Variants in ARPC1B observed in about 807,000 individuals in gnomAD.
The protein encoded by ARPC1B is actin-related protein 2/3 complex subunit 1B.
Under a neutral mutation model 46.0 loss-of-function variants are expected in ARPC1B, and 29 were observed. The ratio of observed to expected loss-of-function variants is 0.63; its 90% CI spans 0.47 to 0.86. The LOEUF (loss-of-function observed/expected upper bound fraction) is 0.86, where lower values mean the gene tolerates loss of function less well. ARPC1B is among the 40% of genes least tolerant of loss of function. The pLI is 0.00. For missense variants in ARPC1B, 469 were observed against 529.4 expected (o/e 0.89, Z 1.12); for synonymous variants, 201 against 213.9 (o/e 0.94, Z 0.53).
intron 7 of ARPC1B, 83 bp downstream of exon 7, chr7:99,391,336 T>C (rs1794566103): frequency 1.5e-6 from 2 of 1,347,782 alleles, no homozygotes; most frequent in Middle Eastern, 4.6e-4. Flanking sequence ...CCTCCCTCCT[T>C]TCTCCTGCCT....
intron 1 of ARPC1B, among the ~76,000 whole-genome samples, chr7:99,384,618 C>T (rs1190190168): frequency 6.6e-6 from 1 of 152,200 alleles, no homozygotes; most frequent in Non-Finnish European, 1.5e-5. Flanking sequence ...AGAGCCATCA[C>T]CCAGGCCTCG....
chr7:99,381,756 A>G (rs965099510), intron 1 of ARPC1B, among the ~76,000 whole-genome samples: 1 of 152,228 alleles, frequency 6.6e-6, no homozygotes, highest in African/African-American at 2.4e-5. Context: ...GACCTCGGGC[A>G]GGCTGGTCAC....
intron 1 of ARPC1B, chr7:99,377,306 GCTTT>G (rs1794055994): frequency 6.7e-6 from 1 of 148,526 alleles, no homozygotes; most frequent in Non-Finnish European, 1.5e-5. Flanking sequence ...CCTTATACGT[GCTTT>G]CTTTTTTTTT....
chr7:99,384,416 CCT>C (rs1409656696), intron 1 of ARPC1B, among the ~76,000 whole-genome samples: 2 of 150,468 alleles, frequency 1.3e-5, no homozygotes, highest in Admixed American at 1.3e-4. Context: ...GTGAGACCCC[CCT>C]CTCTACAAAC....
chr7:99,385,739 G>A lies in ARPC1B; in HGVS notation c.25G>A (p.Glu9Lys). The A allele has an allele frequency of 6.2e-7, 1 of 1,611,134 alleles. No homozygotes were observed. Among genetic ancestry groups the A allele is most frequent in the African/African-American group, 1.3e-5 (1 of 75,032 alleles). Residue 9 changes from glutamate to lysine, a missense_variant, in exon 2 of 10, where the codon GAG (glutamate) becomes AAG (lysine). Glu to Lys is a moderately conservative substitution (Grantham distance 56). Coordinates refer to ENST00000646101, the MANE Select transcript of ARPC1B (RefSeq NM_005720.4). MAYHSFLV[E>K]PISCHAWNKD... ...CATGGCCTACCACAGCTTCCTGGTG[G>A]AGCCCATCAGCTGCCACGCCTGGAA...
At position 99,379,248 on chromosome 7, in the gene ARPC1B, T is replaced by C. The variant is rs998870861; in HGVS notation, c.-14+4467T>C. On this transcript the variant is annotated intron_variant, in intron 1 of 9. Coordinates refer to ENST00000646101, the MANE Select transcript of ARPC1B (RefSeq NM_005720.4). ...TTTGTGTGTTTTTGTTTTGTTTGGA[T>C]GACTAACCGGTGCTTTAATGGTACC... 3.3e-5 allele frequency among the ~76,000 whole-genome samples: 5 copies of C among 152,356 alleles called. No individual in the cohort carries two copies. The East Asian group carries it at 9.6e-4, about 29-fold the overall frequency.
Position 99,393,962 on chromosome 7 carries a change from G to A in ARPC1B, c.990-67G>A, listed in dbSNP as rs553144213. ...CCCAAGAAGTCTGGGAGCGCCTGGT[G>A]GACAGGGTGGGCCTGAGCCCAGCGC... On this transcript the variant is annotated intron_variant, in intron 8 of 9. Coordinates refer to ENST00000646101, the MANE Select transcript of ARPC1B (RefSeq NM_005720.4). 5 of 1,538,332 alleles carry A rather than the reference G, an allele frequency of 3.3e-6. No homozygotes were observed. The South Asian group carries it at 5.6e-5, about 17-fold the overall frequency.
At chr7:99,376,695 A>AC (rs1346487283) in intron 1 of ARPC1B, 1 of 151,942 alleles carries the variant, frequency 6.6e-6, no homozygotes, top group Non-Finnish European at 1.5e-5. Context: ...ACGTGGTGAA[A>AC]CCCCGTCACT....
At chr7:99,390,817 C>T (rs1002758807) in intron 5 of ARPC1B, 76 bp from the exon 6 acceptor site, 1 of 1,360,862 alleles carries the variant, frequency 7.3e-7, no homozygotes, top group South Asian at 1.3e-5. Flanking sequence ...CCCGCCTCAG[C>T]CTCCTGAGTA....
intron 7 of ARPC1B, 31 bp downstream of exon 7, chr7:99,391,284 T>A (rs1384824512): frequency 1.2e-6 from 2 of 1,607,054 alleles, no homozygotes; most frequent in African/African-American, 2.7e-5. Flanking sequence ...GGAGGGTGTG[T>A]GGTCACAGCA....
intron 1 of ARPC1B, among the ~76,000 whole-genome samples, chr7:99,381,210 G>A (rs2150888048): frequency 6.6e-6 from 1 of 152,348 alleles, no homozygotes; most frequent in Middle Eastern, 3.4e-3. Flanking sequence ...CCCAGTGGGT[G>A]CCGGGTGCTT....
At chr7:99,391,128 G>A in intron 6 of ARPC1B, 29 bp downstream of exon 6, 1 of 1,612,944 alleles carries the variant, frequency 6.2e-7, no homozygotes, top group Non-Finnish European at 8.5e-7. Context: ...CAGGGGAGGA[G>A]GTGAGTGCAG....
intron 1 of ARPC1B, among the ~76,000 whole-genome samples, chr7:99,381,371 C>G (rs1004733834): frequency 1.9e-4 from 29 of 151,972 alleles, no homozygotes; most frequent in African/African-American, 7.0e-4. Flanking sequence ...GTCATGTGTG[C>G]AAGGCTAAAC....
chr7:99,392,343 G>T (rs1244818482), intron 7 of ARPC1B, among the ~76,000 whole-genome samples: 1 of 152,176 alleles, frequency 6.6e-6, no homozygotes, highest in Non-Finnish European at 1.5e-5. Flanking sequence ...CAAACATAAT[G>T]GGGGTGCCAG....
chr7:99,394,807 T>C lies in ARPC1B; in HGVS notation c.*318T>C, dbSNP rs1181726094. 6 of 1,174,116 alleles carry C rather than the reference T, an allele frequency of 5.1e-6. No individual in the cohort carries two copies. Among genetic ancestry groups the C allele is most frequent in the Non-Finnish European group, 6.4e-6 (6 of 940,290 alleles). 72.7% of individuals were successfully genotyped at this position (1,174,116 alleles called of 1,614,324 possible). ...AAAAAAAAAAAAAAAAAAAAGTAAT[T>C]ATGGACATGCTTGCCTATGTGGAAG... On this transcript the variant is annotated 3_prime_UTR_variant, in exon 10 of 10. Transcript: ENST00000646101.
upstream of ARPC1B, chr7:99,374,584 G>A: frequency 6.6e-6 from 1 of 152,278 alleles, no homozygotes; most frequent in Non-Finnish European, 1.5e-5. The surrounding 1 kb of genome is among the most constrained non-coding windows in gnomAD (Gnocchi z 5.0). Context: ...CGCGGGTACC[G>A]GCAGCACCCC....
chr7:99,393,163 A>C (rs1275268931), intron 8 of ARPC1B, among the ~76,000 whole-genome samples: 1 of 152,044 alleles, frequency 6.6e-6, no homozygotes, highest in Non-Finnish European at 1.5e-5. Context: ...TAGCGGGCCC[A>C]GGGTAGGGAG....
chr7:99,381,483 G>A (rs1426657956), intron 1 of ARPC1B, among the ~76,000 whole-genome samples: 3 of 152,142 alleles, frequency 2.0e-5, no homozygotes, highest in Non-Finnish European at 2.9e-5. Context: ...ATGTGTTTGT[G>A]TGCGTGGCCT....
intron 4 of ARPC1B, 47 bp downstream of exon 4, chr7:99,388,308 A>G: frequency 6.3e-7 from 1 of 1,583,802 alleles, no homozygotes; most frequent in Non-Finnish European, 8.7e-7. Flanking sequence ...GACCGGGGGC[A>G]GGACTAGAGT....
Sources: gnomAD v4.1 joint callset for allele counts (sites outside exome capture counted in the v4.1 genomes callset) on GRCh38, gnomAD v4.1.1 for gene constraint, Gnocchi (gnomAD v3.1) non-coding constraint, MANE v1.5 for transcripts, NCBI Gene and HGNC (gene_info 2026-07-23, HGNC 2026-07-21) for gene names.